The following EYS variants were observed in gnomAD, a reference collection of about 807,000 sequenced individuals.
The protein encoded by EYS is EGF-like photoreceptor maintenance factor.
A neutral mutation model predicts 282.1 loss-of-function variants in EYS; 250 were observed. The observed-to-expected ratio is 0.89, with a 90% CI of 0.80 to 0.98. The LOEUF is 0.98. Among genes scored for constraint, EYS ranks in the 50% least tolerant of loss-of-function variants. The pLI, the probability that EYS is intolerant of heterozygous loss-of-function variation, is 0.00. For synonymous variants in EYS, 1,355 were observed against 1,282.9 expected, an observed-to-expected ratio of 1.06 and a Z score of -1.20; for missense variants, 4,016 against 3,709.0, an observed-to-expected ratio of 1.08 and a Z score of -2.15.
At chr6:64,612,493 C>G (rs1369516573) in intron 24 of EYS, among the ~76,000 whole-genome samples, 1 of 152,008 alleles carries the variant, frequency 6.6e-6, no homozygotes, top group East Asian at 1.9e-4. Context: ...AATTCTTTTA[C>G]AGAACATTTG....
At chr6:64,379,282 T>A (rs1222041804) in intron 29 of EYS, among the ~76,000 whole-genome samples, 2 of 152,136 alleles carry the variant, frequency 1.3e-5, no homozygotes, top group African/African-American at 4.8e-5. Context: ...TGATTTTATT[T>A]TACTTGCTGT....
chr6:65,402,267 GAATTTCTC>G (rs1766537688), intron 7 of EYS, among the ~76,000 whole-genome samples: 1 of 151,408 alleles, frequency 6.6e-6, no homozygotes, highest in Non-Finnish European at 1.5e-5. Flanking sequence ...TTATGCTTGA[GAATTTCTC>G]AATTTCTCAA....
At chr6:64,355,478 A>G (rs1409747653) in intron 29 of EYS, among the ~76,000 whole-genome samples, 1 of 151,604 alleles carries the variant, frequency 6.6e-6, no homozygotes, top group Admixed American at 6.6e-5. Context: ...TTAAAGAATC[A>G]TTGTGTGGGT....
At chr6:64,839,895 CT>C (rs1341749030) in intron 19 of EYS, among the ~76,000 whole-genome samples, 2 of 152,066 alleles carry the variant, frequency 1.3e-5, no homozygotes, top group East Asian at 3.9e-4. Context: ...GATTTAATCA[CT>C]TCCCCCCAAA....
intron 31 of EYS, among the ~76,000 whole-genome samples, chr6:64,228,464 G>A (rs1212098496): frequency 6.6e-6 from 1 of 151,936 alleles, no homozygotes; most frequent in Non-Finnish European, 1.5e-5. Context: ...ATGAATTAAA[G>A]TTATTCTTCA....
chr6:65,364,729 T>G (rs1764849089), intron 8 of EYS, among the ~76,000 whole-genome samples: 1 of 151,680 alleles, frequency 6.6e-6, no homozygotes, highest in African/African-American at 2.4e-5. Context: ...GATGACACCA[T>G]GGAGCTCTCA....
intron 36 of EYS, among the ~76,000 whole-genome samples, chr6:63,819,994 T>G (rs186804327): frequency 6.6e-6 from 1 of 152,312 alleles, no homozygotes; most frequent in East Asian, 1.9e-4. Flanking sequence ...AAGTACTACT[T>G]CTTAAGGGAA....
intron 31 of EYS, among the ~76,000 whole-genome samples, chr6:64,224,866 C>T (rs77616975): frequency 5.5e-4 from 84 of 151,678 alleles, no homozygotes; most frequent in African/African-American, 2.0e-3. Flanking sequence ...AAAGAAGAGG[C>T]CTGTTTTGTG....
intron 11 of EYS, among the ~76,000 whole-genome samples, chr6:65,299,089 C>G (rs1039992196): frequency 1.3e-5 from 2 of 152,012 alleles, no homozygotes; most frequent in Admixed American, 6.6e-5. Flanking sequence ...TCAAAGCCCT[C>G]TCTATAAAGG....
chr6:64,174,568 C>T (rs934424531), intron 31 of EYS, among the ~76,000 whole-genome samples: 10 of 151,400 alleles, frequency 6.6e-5, no homozygotes, highest in Middle Eastern at 5.6e-3. Context: ...AAGGTTAACC[C>T]TATACTAAAA....
chr6:64,291,090 T>A (rs1020329876), intron 30 of EYS, among the ~76,000 whole-genome samples: 16 of 150,656 alleles, frequency 1.1e-4, no homozygotes, highest in Non-Finnish European at 2.4e-4. Context: ...AGTAGAAAAC[T>A]TAACTTTTAT....
intron 1 of EYS, among the ~76,000 whole-genome samples, chr6:65,672,847 G>A (rs1755077712): frequency 1.3e-5 from 2 of 152,120 alleles, no homozygotes; most frequent in East Asian, 1.9e-4. Flanking sequence ...GTGCAGGCGG[G>A]CTGAGTCCAA....
intron 31 of EYS, among the ~76,000 whole-genome samples, chr6:64,124,004 G>A (rs977896294): frequency 6.6e-5 from 10 of 152,096 alleles, no homozygotes; most frequent in Non-Finnish European, 1.0e-4. Context: ...ACTGGAAGGC[G>A]AAGCATCCAA....
chr6:64,265,582 G>A (rs1017732842), intron 30 of EYS, among the ~76,000 whole-genome samples: 3 of 152,144 alleles, frequency 2.0e-5, no homozygotes, highest in Non-Finnish European at 4.4e-5. Flanking sequence ...AACAGGTAGT[G>A]ATCAGAAATT....
intron 30 of EYS, among the ~76,000 whole-genome samples, chr6:64,273,123 G>A (rs1767996224): frequency 6.6e-6 from 1 of 152,018 alleles, no homozygotes; most frequent in African/African-American, 2.4e-5. Flanking sequence ...AATGGAAGTG[G>A]TAAAAAGCTT....
At chr6:64,973,361 T>C (rs1437070512) in intron 14 of EYS, among the ~76,000 whole-genome samples, 1 of 152,072 alleles carries the variant, frequency 6.6e-6, no homozygotes, top group East Asian at 1.9e-4. Context: ...GACATAGATG[T>C]CTTCCTTATG....
intron 37 of EYS, among the ~76,000 whole-genome samples, chr6:63,803,825 A>G (rs1265988341): frequency 1.3e-5 from 2 of 152,188 alleles, no homozygotes; most frequent in African/African-American, 4.8e-5. Context: ...GAAAACAGAC[A>G]AGAAACAACT....
rs1767548088 is a variant in EYS at position 63,990,301 on chromosome 6, TA to T, written c.6835-5699del. ...GGACCAATTCCCTTTGAGAGGAATTTAGAAAACAGTTAAGAGGGTCCCACAT... is the reference window on the plus strand; with the variant it reads ...GGACCAATTCCCTTTGAGAGGAATTTGAAAACAGTTAAGAGGGTCCCACAT... On this transcript the variant is annotated intron_variant, in intron 34 of 42. Coordinates refer to ENST00000503581, the MANE Select transcript of EYS (RefSeq NM_001142800.2). Among the ~76,000 whole-genome samples the T allele has an allele frequency of 2.6e-5, 4 of 151,676 alleles. No individual in the cohort carries two copies. In the South Asian group the frequency reaches 8.3e-4, roughly 32 times the overall value.
intron 5 of EYS, among the ~76,000 whole-genome samples, chr6:65,414,591 A>G (rs1367703410): frequency 1.3e-5 from 2 of 151,284 alleles, no homozygotes; most frequent in Non-Finnish European, 2.9e-5. Flanking sequence ...TTTTTTTTTT[A>G]TGTAAGTAAC....
Sources: gnomAD v4.1 joint callset for allele counts (sites outside exome capture counted in the v4.1 genomes callset) on GRCh38, gnomAD v4.1.1 for gene constraint, MANE v1.5 for transcripts, NCBI Gene and HGNC (gene_info 2026-07-23, HGNC 2026-07-21) for gene names.